SLC26A8: variants seen among roughly 807,000 people sequenced by gnomAD.
SLC26A8 encodes the protein solute carrier family 26 member 8, also known as testis anion transporter 1.
In SLC26A8, 70 loss-of-function variants were observed where a neutral mutation model predicts 105.0. That is an observed-to-expected ratio of 0.67 (90% CI 0.55 to 0.81). The LOEUF is 0.81. SLC26A8 is among the 40% of genes least tolerant of loss of function. The pLI is 0.00. For synonymous variants in SLC26A8, 415 were observed against 438.3 expected (o/e 0.95, Z 0.66); for missense variants, 998 against 1,181.8 (o/e 0.84, Z 2.28).
intron 11 of SLC26A8, among the ~76,000 whole-genome samples, chr6:35,966,520 G>C (rs1659252299): frequency 6.6e-6 from 1 of 152,078 alleles, no homozygotes; most frequent in Admixed American, 6.5e-5. Flanking sequence ...TTATCCCAGA[G>C]ATAACCACTG....
intron 3 of SLC26A8, among the ~76,000 whole-genome samples, chr6:36,005,090 A>G (rs1286302119): frequency 1.3e-5 from 2 of 152,160 alleles, no homozygotes; most frequent in East Asian, 1.9e-4. Flanking sequence ...TAAGTTATCT[A>G]GTCTCATTTA....
At chr6:36,023,496 G>A (rs542780383) in intron 1 of SLC26A8, among the ~76,000 whole-genome samples, 114 of 140,702 alleles carry the variant, frequency 8.1e-4, no homozygotes, top group African/African-American at 3.0e-3. Flanking sequence ...GCAGTGAACC[G>A]AGATCAAACC....
At chr6:35,968,633 A>G (rs565444192) in intron 11 of SLC26A8, among the ~76,000 whole-genome samples, 7,297 of 106,198 alleles carry the variant, frequency 0.069, 802 homozygotes, top group African/African-American at 0.27. Flanking sequence ...ATATATATAT[A>G]TATATATATA....
intron 2 of SLC26A8, among the ~76,000 whole-genome samples, chr6:36,019,070 C>T (rs1762064094): frequency 6.6e-6 from 1 of 152,136 alleles, no homozygotes; most frequent in South Asian, 2.1e-4. Context: ...GGAATTACAG[C>T]ACGTGCCACC....
chr6:35,977,269 A>G lies in SLC26A8; in HGVS notation c.1108T>C (p.Phe370Leu). 6.2e-7 allele frequency: 1 copy of G among 1,614,164 alleles called. No homozygotes were observed. The highest frequency in any genetic ancestry group is 8.5e-7 in the Non-Finnish European group (1 of 1,180,008). The change falls in exon 9 of 20, where the codon TTT becomes CTT. Residue 370 changes from phenylalanine to leucine, a missense_variant. Coordinates refer to ENST00000490799, the MANE Select transcript of SLC26A8 (RefSeq NM_052961.4). ...QAFSLSLVSS[F>L]LLIFLGKKIA... ...TTCTTGCCCAGAAATATGAGCAGAAAGGAGCTCACCAAAGATAAGGAGAAG... is the reference window on the plus strand; with the variant it reads ...TTCTTGCCCAGAAATATGAGCAGAAGGGAGCTCACCAAAGATAAGGAGAAG...
At chr6:35,951,608 C>A in intron 17 of SLC26A8, 109 bp from the exon 18 acceptor site, 1 of 1,108,942 alleles carries the variant, frequency 9.0e-7, no homozygotes, top group South Asian at 1.3e-5. Flanking sequence ...GTGACAGAGT[C>A]TCACTCTGTC....
chr6:35,992,800 G>C, intron 5 of SLC26A8, 126 bp from the exon 6 acceptor site: 1 of 931,148 alleles, frequency 1.1e-6, no homozygotes, highest in Non-Finnish European at 1.6e-6. Context: ...GGTAACTCTT[G>C]TAACTCTCTT....
At chr6:35,966,268 C>T (rs1332481859) in intron 11 of SLC26A8, among the ~76,000 whole-genome samples, 1 of 152,176 alleles carries the variant, frequency 6.6e-6, no homozygotes, top group Admixed American at 6.5e-5. Flanking sequence ...ATCTTTTCCA[C>T]TATGCTATCT....
At chr6:35,975,937 T>C (rs1159815832) in intron 9 of SLC26A8, among the ~76,000 whole-genome samples, 1 of 144,046 alleles carries the variant, frequency 6.9e-6, no homozygotes, top group East Asian at 2.0e-4. Context: ...AAAAAAAAAT[T>C]AGAACAAAAG....
At chr6:35,961,525 T>G (rs1325220747) in intron 12 of SLC26A8, among the ~76,000 whole-genome samples, 2 of 152,342 alleles carry the variant, frequency 1.3e-5, no homozygotes, top group East Asian at 1.9e-4. Context: ...TTACTTCATC[T>G]TCACAGAAGA....
intron 19 of SLC26A8, 71 bp downstream of exon 19, chr6:35,951,092 C>T: frequency 1.1e-6 from 1 of 937,036 alleles, no homozygotes; most frequent in Non-Finnish European, 1.6e-6. Flanking sequence ...CAGCCCCCAA[C>T]CACCCCTCAC....
chr6:35,977,289 GAGAAGGCTTGTAAA>G lies in SLC26A8; in HGVS notation c.1074_1087del (p.Gln360IlefsTer53), dbSNP rs754258641. On this transcript the variant is annotated frameshift_variant, in exon 9 of 20. Transcript: ENST00000490799. LOFTEE classifies it high-confidence loss of function. ...CAGAAAGGAGCTCACCAAAGATAAG[GAGAAGGCTTGTAAA>G]ATTATCTTGGGAAGAAGGCTGAAAT... 3 of 1,613,968 alleles carry G rather than the reference GAGAAGGCTTGTAAA, an allele frequency of 1.9e-6. No individual in the cohort carries two copies. The highest frequency in any genetic ancestry group is 2.5e-6 in the Non-Finnish European group (3 of 1,180,012).
chr6:35,977,440 TTC>T, intron 8 of SLC26A8, 89 bp from the exon 9 acceptor site: 8 of 1,306,036 alleles, frequency 6.1e-6, no homozygotes, highest in South Asian at 3.4e-5. Flanking sequence ...GCTGTCCTGA[TTC>T]TTTTTTTTTT....
chr6:35,979,273 C>T (rs1362665641), intron 8 of SLC26A8, among the ~76,000 whole-genome samples: 3 of 151,890 alleles, frequency 2.0e-5, no homozygotes, highest in Non-Finnish European at 4.4e-5. Context: ...GTCAGGAGAT[C>T]GAGACCATCC....
chr6:35,998,994 A>C (rs1761442724), intron 4 of SLC26A8, among the ~76,000 whole-genome samples: 1 of 151,876 alleles, frequency 6.6e-6, no homozygotes, highest in South Asian at 2.1e-4. Flanking sequence ...TCCCGGGTTC[A>C]GGCAATTCTC....
In SLC26A8 at chr6:36,024,608, T is replaced by C. The variant is rs1292267597; in HGVS notation, c.-107A>G. The C allele has an allele frequency of 2.6e-6, 1 of 380,256 alleles. No homozygotes were observed. Among genetic ancestry groups the C allele is most frequent in the Non-Finnish European group, 5.2e-6 (1 of 192,278 alleles). 23.6% of individuals were successfully genotyped at this position (380,256 alleles called of 1,614,324 possible). On this transcript the variant is annotated 5_prime_UTR_variant, in exon 1 of 20. Coordinates refer to ENST00000490799, the MANE Select transcript of SLC26A8 (RefSeq NM_052961.4). ...GATACCGGCGGCGGTTCCCGAGCCGTTGTGGCCTAGCCCGCGGGCGTTCCG... is the reference window on the plus strand; with the variant it reads ...GATACCGGCGGCGGTTCCCGAGCCGCTGTGGCCTAGCCCGCGGGCGTTCCG...
intron 5 of SLC26A8, among the ~76,000 whole-genome samples, chr6:35,996,020 T>C (rs529671113): frequency 6.6e-6 from 1 of 152,336 alleles, no homozygotes; most frequent in East Asian, 1.9e-4. Context: ...AATTATAACT[T>C]ATTGATGCTT....
intron 3 of SLC26A8, among the ~76,000 whole-genome samples, chr6:36,011,689 T>C (rs1320807456): frequency 6.6e-6 from 1 of 152,092 alleles, no homozygotes; most frequent in Non-Finnish European, 1.5e-5. Context: ...CTCACTACAG[T>C]CTCGACCTCC....
intron 7 of SLC26A8, among the ~76,000 whole-genome samples, chr6:35,990,620 T>C (rs566289878): frequency 6.6e-6 from 1 of 152,284 alleles, no homozygotes; most frequent in East Asian, 1.9e-4. Context: ...TATTGTAGCA[T>C]AGTGAGAAGG....
Sources: allele counts gnomAD v4.1 joint callset (sites outside exome capture counted in the v4.1 genomes callset), GRCh38; gene constraint gnomAD v4.1.1; transcripts MANE v1.5; gene names NCBI Gene and HGNC (gene_info 2026-07-23, HGNC 2026-07-21).